MYO1E: variants seen among roughly 807,000 people sequenced by gnomAD.
MYO1E encodes unconventional myosin-Ie.
In MYO1E, 68 loss-of-function variants were observed where a neutral mutation model predicts 151.1. The observed-to-expected ratio is 0.45, with a 90% CI of 0.37 to 0.55. The LOEUF (loss-of-function observed/expected upper bound fraction) is 0.55. Ranked by LOEUF, MYO1E falls within the 20% of genes least tolerant of loss-of-function variation. The probability of loss-of-function intolerance (pLI) is 0.00; values close to 1 mark genes in which losing one functional copy is unlikely to be tolerated. For missense variants in MYO1E, 1,363 were observed against 1,389.3 expected (o/e 0.98, Z 0.30); for synonymous variants, 601 against 501.7 (o/e 1.20, Z -2.64).
chr15:59,231,849 C>A, intron 5 of MYO1E, 58 bp from the exon 6 acceptor site: 1 of 1,577,972 alleles, frequency 6.3e-7, no homozygotes, highest in East Asian at 2.2e-5. Flanking sequence ...ACACAGTGTA[C>A]GCCAAACTTT....
At chr15:59,220,925 T>A (rs2079950849) in intron 9 of MYO1E, among the ~76,000 whole-genome samples, 1 of 77,932 alleles carries the variant, frequency 1.3e-5, no homozygotes, top group African/African-American at 4.8e-5. Context: ...CCCCATCTCT[T>A]AAAAAAAAAA....
chr15:59,185,100 T>A (rs1255322649), intron 18 of MYO1E, among the ~76,000 whole-genome samples: 1 of 152,222 alleles, frequency 6.6e-6, no homozygotes, highest in Non-Finnish European at 1.5e-5. Flanking sequence ...GAGAAATGTC[T>A]CTTGAGATCT....
At chr15:59,343,646 C>T (rs2080777850) in intron 1 of MYO1E, among the ~76,000 whole-genome samples, 1 of 152,054 alleles carries the variant, frequency 6.6e-6, no homozygotes, top group Admixed American at 6.6e-5. Flanking sequence ...CTTGGATTTG[C>T]CCTTCTGAAG....
At chr15:59,227,379 A>G (rs781271981) in intron 7 of MYO1E, 80 bp downstream of exon 7, 29 of 1,562,162 alleles carry the variant, frequency 1.9e-5, no homozygotes, top group Non-Finnish European at 2.4e-5. Flanking sequence ...CCTAGACTAT[A>G]GTCTATGCCT....
intron 1 of MYO1E, among the ~76,000 whole-genome samples, chr15:59,304,200 C>T (rs2080501397): frequency 6.6e-6 from 1 of 152,116 alleles, no homozygotes; most frequent in Non-Finnish European, 1.5e-5. Flanking sequence ...TCAAGCTGGT[C>T]TCAAACTCCT....
chr15:59,147,339 C>T (rs1204665411), intron 26 of MYO1E, among the ~76,000 whole-genome samples: 1 of 152,116 alleles, frequency 6.6e-6, no homozygotes, highest in Non-Finnish European at 1.5e-5. Context: ...GTGACTCATG[C>T]CTGTAATCCC....
intron 8 of MYO1E, 27 bp downstream of exon 8, chr15:59,224,662 C>A (rs376218361): frequency 1.9e-6 from 3 of 1,614,082 alleles, no homozygotes; most frequent in East Asian, 2.2e-5. Flanking sequence ...GAGAGCAGAT[C>A]CTGCCTGGCC....
At chr15:59,190,516 T>C (rs928905715) in intron 17 of MYO1E, among the ~76,000 whole-genome samples, 2 of 152,174 alleles carry the variant, frequency 1.3e-5, no homozygotes, top group Admixed American at 1.3e-4. Context: ...TCACACACAG[T>C]GCCTATTGCA....
intron 2 of MYO1E, among the ~76,000 whole-genome samples, chr15:59,265,349 A>C (rs1218742300): frequency 1.3e-5 from 2 of 152,168 alleles, no homozygotes; most frequent in Non-Finnish European, 2.9e-5. Flanking sequence ...TTACTCAATA[A>C]ATATGAATTC....
intron 26 of MYO1E, among the ~76,000 whole-genome samples, chr15:59,142,874 T>C (rs1400774766): frequency 1.4e-5 from 2 of 144,324 alleles, no homozygotes; most frequent in Non-Finnish European, 3.0e-5. Context: ...CACTCACCAC[T>C]TCTGTCCAAT....
intron 3 of MYO1E, among the ~76,000 whole-genome samples, chr15:59,260,183 T>C (rs1289859194): frequency 2.4e-4 from 37 of 152,308 alleles, no homozygotes; most frequent in African/African-American, 7.5e-4. Flanking sequence ...GAAACACACA[T>C]GCACAGCACT....
At chr15:59,216,683 T>C (rs1366747883) in intron 10 of MYO1E, among the ~76,000 whole-genome samples, 11 of 27,490 alleles carry the variant, frequency 4.0e-4, no homozygotes, top group East Asian at 1.1e-3. Flanking sequence ...TATATATATA[T>C]ATACACATAC....
In MYO1E at chr15:59,133,325, T is replaced by C. The variant is rs1419789678; in HGVS notation, c.*4055A>G. ...AGTTTGAGACTGCAGTAAGGCATGATCGCACCACTGTTCTCTAGTCTGGGT... is the reference window on the plus strand; with the variant it reads ...AGTTTGAGACTGCAGTAAGGCATGACCGCACCACTGTTCTCTAGTCTGGGT... On this transcript the variant is annotated 3_prime_UTR_variant, in exon 28 of 28. Transcript: ENST00000288235. The C allele has an allele frequency of 6.6e-6, 1 of 152,174 alleles. No homozygotes were observed. The highest frequency in any genetic ancestry group is 2.4e-5 in the African/African-American group (1 of 41,424). The allele number at this position is 152,174 out of a possible 1,614,324, so 9.4% of individuals were successfully genotyped here. A position where few individuals can be genotyped will look rare whatever the true frequency, so the allele number is the denominator to read the frequency against.
chr15:59,296,647 G>C (rs1388638198), intron 1 of MYO1E, among the ~76,000 whole-genome samples: 1 of 152,100 alleles, frequency 6.6e-6, no homozygotes. Context: ...AAGGGTGAGG[G>C]GCAGAGGGGA....
chr15:59,138,481 ATCCT>A, intron 26 of MYO1E, 114 bp from the exon 27 acceptor site: 1 of 1,170,494 alleles, frequency 8.5e-7, no homozygotes, highest in South Asian at 1.3e-5. Context: ...ATCCAGCTCC[ATCCT>A]TAGAAGACAT....
chr15:59,230,613 T>C (rs564857945), intron 6 of MYO1E, among the ~76,000 whole-genome samples: 3 of 152,236 alleles, frequency 2.0e-5, no homozygotes, highest in African/African-American at 4.8e-5. Context: ...AACTCAGGCA[T>C]TGGGCCCAAA....
chr15:59,144,234 T>C (rs921096534), intron 26 of MYO1E, among the ~76,000 whole-genome samples: 5 of 152,136 alleles, frequency 3.3e-5, no homozygotes, highest in Non-Finnish European at 7.3e-5. Context: ...TGGCATGATC[T>C]CGGCTCACTG....
chr15:59,156,421 G>C (rs1231957118), intron 25 of MYO1E, among the ~76,000 whole-genome samples: 2 of 152,204 alleles, frequency 1.3e-5, no homozygotes, highest in Non-Finnish European at 2.9e-5. Flanking sequence ...CTGGCCTCAA[G>C]TGATCTGCTC....
intron 18 of MYO1E, among the ~76,000 whole-genome samples, chr15:59,187,490 G>C (rs1032180): frequency 6.6e-6 from 1 of 152,060 alleles, no homozygotes; most frequent in South Asian, 2.1e-4. Context: ...TACAAAATGT[G>C]AAGTGGTGCA....
Sources: allele counts gnomAD v4.1 joint callset (sites outside exome capture counted in the v4.1 genomes callset), GRCh38; gene constraint gnomAD v4.1.1; transcripts MANE v1.5; gene names NCBI Gene and HGNC (gene_info 2026-07-23, HGNC 2026-07-21).